MAPK8: variants seen among roughly 807,000 people sequenced by gnomAD.
MAPK8 encodes mitogen-activated protein kinase 8, also known as JUN N-terminal kinase.
In MAPK8, 13 loss-of-function variants were observed where a neutral mutation model predicts 52.9. The ratio of observed to expected loss-of-function variants is 0.25; its 90% CI spans 0.16 to 0.39. MAPK8 has a LOEUF of 0.39. MAPK8 is among the 10% of genes least tolerant of loss of function. MAPK8 has a pLI of 1.00. For missense variants in MAPK8, 300 were observed against 519.2 expected (o/e 0.58, Z 4.10); for synonymous variants, 191 against 169.8 (o/e 1.12, Z -0.97).
chr10:48,349,412 A>G (rs539109874), intron 1 of MAPK8, among the ~76,000 whole-genome samples: 1 of 152,074 alleles, frequency 6.6e-6, no homozygotes, highest in African/African-American at 2.4e-5. Context: ...AGCAGAAATC[A>G]TAACAGTCTC....
chr10:48,320,910 A>C (rs1842935354), intron 1 of MAPK8, among the ~76,000 whole-genome samples: 6 of 152,052 alleles, frequency 3.9e-5, no homozygotes, highest in Admixed American at 3.9e-4. Context: ...GAAAATAGCC[A>C]CCTGATGAGA....
rs1178592816 is a variant in MAPK8, at chr10:48,310,269, CAGAT to C, written c.-50+3451_-50+3454del. ...TTTTTTTTATAGAAGGCTTGTTCCT[CAGAT>C]AGGTGGTTCTTGAGAAAACATACTA... On this transcript the variant is annotated intron_variant, in intron 1 of 11. Transcript: ENST00000374189. Among the ~76,000 whole-genome samples, 7 of 152,268 alleles carry C rather than the reference CAGAT, an allele frequency of 4.6e-5. No homozygotes were observed. The East Asian group carries it at 5.8e-4, about 13-fold the overall frequency.
In MAPK8 at chr10:48,436,970, AT is replaced by A. The variant is rs2044898716; in HGVS notation, c.*1943del. 6.6e-6 allele frequency: 1 copy of A among 152,228 alleles called. No homozygotes were observed. Among genetic ancestry groups the A allele is most frequent in the African/African-American group, 2.4e-5 (1 of 41,460 alleles). 9.4% of individuals were successfully genotyped at this position (152,228 alleles called of 1,614,324 possible). ...ATTAGCTGTATTTTCTGTAGCATAG[AT>A]TATGTCACTGTTGCACTTTCACAGC... On this transcript the variant is annotated 3_prime_UTR_variant, in exon 12 of 12. Transcript: ENST00000374189.
chr10:48,340,043 T>C (rs1365502726), intron 1 of MAPK8, among the ~76,000 whole-genome samples: 1 of 152,200 alleles, frequency 6.6e-6, no homozygotes, highest in Non-Finnish European at 1.5e-5. Flanking sequence ...AGCAGTCTCA[T>C]TACTGGGTAT....
At position 48,337,336 on chromosome 10, in the gene MAPK8, A is replaced by G. The variant is rs201024306; in HGVS notation, c.-50+30515A>G. Among the ~76,000 whole-genome samples the G allele has an allele frequency of 2.0e-5, 3 of 152,236 alleles. No homozygotes were observed. In the East Asian group the frequency reaches 5.8e-4, roughly 29 times the overall value. ...CTCTGAAAGCCACGTAAGTACATGG[A>G]AATGAAACAGTTTGCTCCTGAATGA... On this transcript the variant is annotated intron_variant, in intron 1 of 11. Transcript: ENST00000374189.
intron 1 of MAPK8, among the ~76,000 whole-genome samples, chr10:48,374,770 C>A (rs535260462): frequency 6.6e-6 from 1 of 152,182 alleles, no homozygotes; most frequent in African/African-American, 2.4e-5. Context: ...AAAAAAAGCC[C>A]AGGACCAGAT....
chr10:48,360,135 C>G (rs1847385323), intron 1 of MAPK8, among the ~76,000 whole-genome samples: 1 of 151,990 alleles, frequency 6.6e-6, no homozygotes, highest in Non-Finnish European at 1.5e-5. Flanking sequence ...TCACTGCACT[C>G]CAGCCTGGGC....
intron 1 of MAPK8, among the ~76,000 whole-genome samples, chr10:48,337,131 C>T (rs1026526213): frequency 2.6e-5 from 4 of 152,096 alleles, no homozygotes; most frequent in Non-Finnish European, 5.9e-5. Flanking sequence ...GTAATACACA[C>T]GTACAGAATA....
At chr10:48,345,219 TG>T (rs892240640) in intron 1 of MAPK8, among the ~76,000 whole-genome samples, 1 of 152,192 alleles carries the variant, frequency 6.6e-6, no homozygotes, top group Non-Finnish European at 1.5e-5. Context: ...TAGATAAACT[TG>T]GCAGGAACTT....
rs532219887 is a variant in MAPK8 at position 48,439,289 on chromosome 10, A to G, written c.*4260A>G. The G allele has an allele frequency of 2.7e-5, 4 of 149,750 alleles. No homozygotes were observed. In the South Asian group the frequency reaches 6.6e-4, roughly 25 times the overall value. 9.3% of individuals were successfully genotyped at this position (149,750 alleles called of 1,614,324 possible). On this transcript the variant is annotated 3_prime_UTR_variant, in exon 12 of 12. Transcript: ENST00000374189. The stretch of plus-strand genomic sequence containing the variant: ...AACATGCACCACTGGAATGTAAACA[A>G]TGTTATCTAGTATGTCAATTGGTTA...
rs2040658954 is a variant in MAPK8, at chr10:48,376,315, G to A, written c.-49-25297G>A. On this transcript the variant is annotated intron_variant, in intron 1 of 11. Coordinates refer to ENST00000374189, the MANE Select transcript of MAPK8 (RefSeq NM_001323329.2). ...GGAAAACCTAGGCAGTACCATTCAGGACATAGGCATGGGCAAAGATTTCAT... is the reference window on the plus strand; with the variant it reads ...GGAAAACCTAGGCAGTACCATTCAGAACATAGGCATGGGCAAAGATTTCAT... 5.3e-5 allele frequency among the ~76,000 whole-genome samples: 8 copies of A among 152,260 alleles called. No homozygotes were observed. In the South Asian group the frequency reaches 1.7e-3, roughly 32 times the overall value.
intron 5 of MAPK8, among the ~76,000 whole-genome samples, chr10:48,418,290 A>G (rs929392052): frequency 6.6e-6 from 1 of 152,160 alleles, no homozygotes; most frequent in Non-Finnish European, 1.5e-5. Context: ...TGTTTTTATA[A>G]TAATTAACAC....
intron 1 of MAPK8, among the ~76,000 whole-genome samples, chr10:48,320,212 T>A (rs1388499982): frequency 1.7e-5 from 1 of 59,150 alleles, no homozygotes; most frequent in Non-Finnish European, 3.0e-5. Flanking sequence ...CTGCTCGGCC[T>A]TTTTTTTTTT....
In MAPK8 at chr10:48,436,719, T is replaced by A. The variant is rs1347387039; in HGVS notation, c.*1690T>A. ...TGCAATATTTAAGATTAAAATACAT[T>A]AGCTTTTTTATATACTTTGAAGTAG... On this transcript the variant is annotated 3_prime_UTR_variant, in exon 12 of 12. Transcript: ENST00000374189. The A allele has an allele frequency of 6.6e-6, 1 of 152,234 alleles. No homozygotes were observed. The allele number at this position is 152,234 out of a possible 1,614,324, so 9.4% of individuals were successfully genotyped here. A position where few individuals can be genotyped will look rare whatever the true frequency, so the allele number is the denominator to read the frequency against.
chr10:48,388,576 C>G (rs2041448596), intron 1 of MAPK8, among the ~76,000 whole-genome samples: 1 of 152,138 alleles, frequency 6.6e-6, no homozygotes, highest in Admixed American at 6.6e-5. Flanking sequence ...CATTCTCTTT[C>G]TAGAGCTTTT....
At chr10:48,355,536 A>G (rs1451910851) in intron 1 of MAPK8, among the ~76,000 whole-genome samples, 1 of 151,962 alleles carries the variant, frequency 6.6e-6, no homozygotes, top group Non-Finnish European at 1.5e-5. Context: ...TCCTCAATAG[A>G]TGAATTTAAC....
chr10:48,424,018 C>A lies in MAPK8; in HGVS notation c.617-70C>A. Reference sequence around the variant, plus strand: ...TTTTGCAGTTTTTATATAATGCAGTCATATTATGCTTCTTTGATTTTAATG... The same window carrying A: ...TTTTGCAGTTTTTATATAATGCAGTAATATTATGCTTCTTTGATTTTAATG... On this transcript the variant is annotated intron_variant, in intron 6 of 11. Transcript: ENST00000374189. 4 of 1,165,876 alleles carry A rather than the reference C, an allele frequency of 3.4e-6. No individual in the cohort carries two copies. In the South Asian group the frequency reaches 5.9e-5, roughly 17 times the overall value. The allele number at this position is 1,165,876 out of a possible 1,614,324, so 72.2% of individuals were successfully genotyped here. A position where few individuals can be genotyped will look rare whatever the true frequency, so the allele number is the denominator to read the frequency against.
intron 1 of MAPK8, among the ~76,000 whole-genome samples, chr10:48,351,057 C>A (rs561849355): frequency 6.6e-6 from 1 of 152,216 alleles, no homozygotes; most frequent in East Asian, 1.9e-4. Flanking sequence ...ATACATCTTA[C>A]AAGGGATGTG....
chr10:48,347,863 T>C (rs954786228), intron 1 of MAPK8, among the ~76,000 whole-genome samples: 5 of 152,192 alleles, frequency 3.3e-5, no homozygotes, highest in African/African-American at 1.2e-4. Context: ...AACATACATG[T>C]GCATGTGGCT....
Sources: gnomAD v4.1 joint callset for allele counts (sites outside exome capture counted in the v4.1 genomes callset) on GRCh38, gnomAD v4.1.1 for gene constraint, MANE v1.5 for transcripts, NCBI Gene and HGNC (gene_info 2026-07-23, HGNC 2026-07-21) for gene names.